Variants in EFNA5 observed in about 807,000 individuals in gnomAD.
EFNA5 encodes the protein ephrin-A5.
In EFNA5, 5 loss-of-function variants were observed where a neutral mutation model predicts 22.9. The ratio of observed to expected loss-of-function variants is 0.22; its 90% confidence interval spans 0.11 to 0.46. The LOEUF (loss-of-function observed/expected upper bound fraction) is 0.46, where lower values mean the gene tolerates loss of function less well. EFNA5 is among the 20% of genes least tolerant of loss of function. EFNA5 has a pLI of 0.99. For synonymous variants in EFNA5, 113 were observed against 112.2 expected, an observed-to-expected ratio of 1.01 and a Z score of -0.04; for missense variants, 237 against 293.3, an observed-to-expected ratio of 0.81 and a Z score of 1.40.
At chr5:107,450,923 G>A (rs888251670) in intron 1 of EFNA5, among the ~76,000 whole-genome samples, 2 of 152,204 alleles carry the variant, frequency 1.3e-5, no homozygotes, top group Non-Finnish European at 2.9e-5. Flanking sequence ...ATCGTCTTTA[G>A]ACAACTGCAA....
rs145959350 is a variant in EFNA5, at chr5:107,551,981, T to C, written c.125+118508A>G. ...TACTGTCTCCATATGACCAACACTT[T>C]CAGCTAAAAGTGTACTTTTATAGCA... On this transcript the variant is annotated intron_variant, in intron 1 of 4. Transcript: ENST00000333274. 8.4e-4 allele frequency among the ~76,000 whole-genome samples: 128 copies of C among 152,248 alleles called. 2 individuals are homozygous for C. In the East Asian group the frequency reaches 0.02, roughly 24 times the overall value.
chr5:107,489,339 A>C (rs1746735089), intron 1 of EFNA5, among the ~76,000 whole-genome samples: 1 of 151,788 alleles, frequency 6.6e-6, no homozygotes, highest in Non-Finnish European at 1.5e-5. Context: ...ATGTCTGGCT[A>C]ATTATTGTAT....
At chr5:107,614,509 T>C (rs1749876226) in intron 1 of EFNA5, among the ~76,000 whole-genome samples, 1 of 152,168 alleles carries the variant, frequency 6.6e-6, no homozygotes, top group Non-Finnish European at 1.5e-5. Flanking sequence ...GATGGTTTTC[T>C]CCCAGGTGAA....
chr5:107,489,749 A>G (rs1017998128), intron 1 of EFNA5, among the ~76,000 whole-genome samples: 1 of 152,124 alleles, frequency 6.6e-6, no homozygotes, highest in African/African-American at 2.4e-5. Context: ...GCAAAATGAG[A>G]AAACATATCC....
intron 1 of EFNA5, among the ~76,000 whole-genome samples, chr5:107,609,451 T>C (rs1243642772): frequency 5.3e-5 from 8 of 152,104 alleles, no homozygotes; most frequent in Non-Finnish European, 8.8e-5. Context: ...CTCTCCTGGT[T>C]ATTAACATTA....
intron 1 of EFNA5, among the ~76,000 whole-genome samples, chr5:107,551,587 C>G (rs1431858197): frequency 1.3e-5 from 2 of 152,058 alleles, no homozygotes; most frequent in Non-Finnish European, 2.9e-5. Context: ...GCCTGGAGTC[C>G]AGATTGAGGG....
intron 1 of EFNA5, among the ~76,000 whole-genome samples, chr5:107,459,649 C>T (rs929948060): frequency 2.0e-5 from 3 of 152,082 alleles, no homozygotes; most frequent in Non-Finnish European, 4.4e-5. Flanking sequence ...AAATTGAAGA[C>T]CCTGTGAGAG....
At chr5:107,581,896 G>A (rs967036402) in intron 1 of EFNA5, among the ~76,000 whole-genome samples, 1 of 152,162 alleles carries the variant, frequency 6.6e-6, no homozygotes, top group East Asian at 1.9e-4. Flanking sequence ...TTAGCTACAC[G>A]TTGCAGGTTC....
At chr5:107,409,703 T>G (rs1240448737) in intron 2 of EFNA5, among the ~76,000 whole-genome samples, 1 of 152,200 alleles carries the variant, frequency 6.6e-6, no homozygotes, top group East Asian at 1.9e-4. Flanking sequence ...TGAAGCCAAC[T>G]AGTTAAATTG....
chr5:107,484,133 C>T (rs1468633696), intron 1 of EFNA5, among the ~76,000 whole-genome samples: 1 of 152,148 alleles, frequency 6.6e-6, no homozygotes, highest in African/African-American at 2.4e-5. Context: ...ATGGTAACTC[C>T]TAATTAGTGC....
intron 2 of EFNA5, among the ~76,000 whole-genome samples, chr5:107,424,381 ATTT>A (rs35528582): frequency 7.9e-6 from 1 of 125,850 alleles, no homozygotes. Flanking sequence ...TAATTTTTGT[ATTT>A]TTTTTTTTTT....
intron 1 of EFNA5, among the ~76,000 whole-genome samples, chr5:107,639,930 A>T (rs902541079): frequency 2.0e-5 from 3 of 152,230 alleles, no homozygotes; most frequent in Admixed American, 2.0e-4. Context: ...ATATAAGAAA[A>T]GCTTTAAGCC....
chr5:107,594,281 A>G (rs1488767150), intron 1 of EFNA5, among the ~76,000 whole-genome samples: 1 of 152,178 alleles, frequency 6.6e-6, no homozygotes, highest in Non-Finnish European at 1.5e-5. Context: ...CACCTTTTTA[A>G]AAATGTTGTA....
At chr5:107,538,188 T>C (rs941142815) in intron 1 of EFNA5, among the ~76,000 whole-genome samples, 1 of 152,192 alleles carries the variant, frequency 6.6e-6, no homozygotes, top group Non-Finnish European at 1.5e-5. Flanking sequence ...ATTTAGTACG[T>C]AGTTTGAGGC....
intron 1 of EFNA5, among the ~76,000 whole-genome samples, chr5:107,557,198 T>A (rs927172082): frequency 6.6e-6 from 1 of 152,196 alleles, no homozygotes; most frequent in Admixed American, 6.5e-5. Flanking sequence ...TAAACATATT[T>A]GCCTTGGTCC....
intron 1 of EFNA5, among the ~76,000 whole-genome samples, chr5:107,618,629 C>G (rs1057201916): frequency 3.3e-5 from 5 of 152,108 alleles, no homozygotes; most frequent in African/African-American, 9.7e-5. Context: ...TTTCAGAGTC[C>G]GGGTTAGAAT....
At chr5:107,566,783 A>C (rs753623192) in intron 1 of EFNA5, among the ~76,000 whole-genome samples, 2 of 152,234 alleles carry the variant, frequency 1.3e-5, no homozygotes, top group Non-Finnish European at 2.9e-5. Context: ...GGTTTCTTCC[A>C]GTTAAGTTTG....
At chr5:107,534,528 A>T (rs1437556384) in intron 1 of EFNA5, among the ~76,000 whole-genome samples, 3 of 152,218 alleles carry the variant, frequency 2.0e-5, no homozygotes, top group African/African-American at 7.2e-5. Context: ...CACTCAGCAC[A>T]ATTTTTCCCT....
chr5:107,646,525 T>C (rs558177126), intron 1 of EFNA5, among the ~76,000 whole-genome samples: 16 of 152,282 alleles, frequency 1.1e-4, no homozygotes, highest in Admixed American at 8.5e-4. Context: ...GTGAGATAAA[T>C]ATTACTGAGG....
Sources: gnomAD v4.1 joint callset for allele counts (sites outside exome capture counted in the v4.1 genomes callset) on GRCh38, gnomAD v4.1.1 for gene constraint, MANE v1.5 for transcripts, NCBI Gene and HGNC (gene_info 2026-07-23, HGNC 2026-07-21) for gene names.